Variants in ZNF362 observed in about 807,000 individuals in gnomAD.
ZNF362 encodes zinc finger protein 362.
A neutral mutation model predicts 42.9 loss-of-function variants in ZNF362; 11 were observed. That is an observed-to-expected ratio of 0.26 (90% CI 0.16 to 0.42). The LOEUF (loss-of-function observed/expected upper bound fraction) is 0.42. Ranked by LOEUF, ZNF362 falls within the 20% of genes least tolerant of loss-of-function variation. The pLI is 1.00. For synonymous variants in ZNF362, 255 were observed against 257.3 expected (o/e 0.99, Z 0.09); for missense variants, 362 against 576.2 (o/e 0.63, Z 3.81).
chr1:33,159,926 G>T, the ZNF362 span: 748 of 1,605,212 alleles, frequency 4.7e-4, 1 homozygote, highest in Non-Finnish European at 6.1e-4. The surrounding 1 kb of genome is among the most constrained non-coding windows in gnomAD (Gnocchi z 4.2). Flanking sequence ...ATAGTGGTCC[G>T]CAGGCTCTTG....
chr1:33,291,132 T>C (rs574950662), intron 6 of ZNF362, among the ~76,000 whole-genome samples: 6 of 152,208 alleles, frequency 3.9e-5, no homozygotes, highest in East Asian at 3.9e-4. Context: ...GACATGAAGT[T>C]CTTGCCCATG....
chr1:33,291,336 T>G (rs1250933661), intron 6 of ZNF362, among the ~76,000 whole-genome samples: 1 of 152,230 alleles, frequency 6.6e-6, no homozygotes, highest in Non-Finnish European at 1.5e-5. Flanking sequence ...TTTCCCCATT[T>G]CTTGTTTTTG....
chr1:33,181,213 G>A, the ZNF362 span: 1 of 1,579,304 alleles, frequency 6.3e-7, no homozygotes, highest in African/African-American at 1.3e-5. The surrounding 1 kb of genome is among the most constrained non-coding windows in gnomAD (Gnocchi z 6.5). Context: ...GAGCTGTAGC[G>A]CTCCACGATG....
the ZNF362 span, among the ~76,000 whole-genome samples, chr1:33,189,676 T>TAC: frequency 9.4e-3 from 213 of 22,752 alleles, 8 homozygotes; most frequent in East Asian, 0.14. Flanking sequence ...TATATATGTA[T>TAC]ATATATACGT....
chr1:33,210,103 C>T, the ZNF362 span, among the ~76,000 whole-genome samples: 3 of 152,062 alleles, frequency 2.0e-5, no homozygotes, highest in African/African-American at 7.2e-5. Context: ...TTTAAATGTG[C>T]CCCAGAGATT....
chr1:33,295,915 C>T (rs558889279), intron 8 of ZNF362, among the ~76,000 whole-genome samples: 1 of 152,198 alleles, frequency 6.6e-6, no homozygotes, highest in Non-Finnish European at 1.5e-5. Context: ...CCTCATCTGT[C>T]AAATGGATGA....
chr1:33,156,835 T>A, the ZNF362 span, among the ~76,000 whole-genome samples: 1 of 152,018 alleles, frequency 6.6e-6, no homozygotes, highest in Non-Finnish European at 1.5e-5. Context: ...ATAATTACTA[T>A]CTCCCTCGTC....
intron 8 of ZNF362, among the ~76,000 whole-genome samples, chr1:33,298,555 G>A (rs1337064808): frequency 6.6e-6 from 1 of 152,138 alleles, no homozygotes; most frequent in Non-Finnish European, 1.5e-5. Flanking sequence ...GCTAGGCTCA[G>A]ACCCAGTCCT....
At chr1:33,221,066 GT>G in the ZNF362 span, among the ~76,000 whole-genome samples, 1 of 152,156 alleles carries the variant, frequency 6.6e-6, no homozygotes, top group African/African-American at 2.4e-5. Context: ...ACAGGGCCAT[GT>G]GTGTATGTGA....
At chr1:33,254,160 C>T (rs1645773442), upstream of ZNF362, among the ~76,000 whole-genome samples, 1 of 150,546 alleles carries the variant, frequency 6.6e-6, no homozygotes, top group Non-Finnish European at 1.5e-5. Flanking sequence ...GAGTTTCACT[C>T]TTGTTGCCCA....
the ZNF362 span, among the ~76,000 whole-genome samples, chr1:33,227,133 A>C: frequency 2.0e-5 from 3 of 152,204 alleles, no homozygotes; most frequent in African/African-American, 7.2e-5. Flanking sequence ...CAATTCTGTA[A>C]ATATACTAAA....
the ZNF362 span, among the ~76,000 whole-genome samples, chr1:33,173,225 G>A: frequency 6.6e-6 from 1 of 152,114 alleles, no homozygotes; most frequent in Non-Finnish European, 1.5e-5. Flanking sequence ...CACAATCTCT[G>A]GCAACATCTG....
At position 33,276,602 on chromosome 1, in the gene ZNF362, G is replaced by T; in HGVS notation, c.349+8G>T. 24 of 1,335,720 alleles carry T rather than the reference G, an allele frequency of 1.8e-5. No individual in the cohort carries two copies. The highest frequency in any genetic ancestry group is 3.2e-5 in the East Asian group (1 of 30,790). 82.7% of individuals were successfully genotyped at this position (1,335,720 alleles called of 1,614,324 possible). ...CCACCAGCACCGTCACAGGTAGGCC[G>T]AGCGGGCGGGGCCGGCGGGGCCGGT... On this transcript the variant is annotated splice_region_variant and intron_variant, in intron 4 of 8. Coordinates refer to ENST00000539719, the MANE Select transcript of ZNF362 (RefSeq NM_152493.3).
chr1:33,290,238 G>A (rs1252777450), intron 6 of ZNF362, among the ~76,000 whole-genome samples: 2 of 152,042 alleles, frequency 1.3e-5, no homozygotes, highest in African/African-American at 2.4e-5. Context: ...AACAAGCCCC[G>A]GTGTGTGATG....
At chr1:33,164,251 C>G in the ZNF362 span, 2 of 152,290 alleles carry the variant, frequency 1.3e-5, no homozygotes, top group Admixed American at 1.3e-4. Context: ...GGGTTGGTGG[C>G]CAAGCTGGGG....
chr1:33,213,356 C>T, the ZNF362 span, among the ~76,000 whole-genome samples: 1 of 152,096 alleles, frequency 6.6e-6, no homozygotes, highest in Non-Finnish European at 1.5e-5. Context: ...ACATAACAAC[C>T]TCTCAAAATT....
chr1:33,184,627 A>G, the ZNF362 span, among the ~76,000 whole-genome samples: 5 of 152,350 alleles, frequency 3.3e-5, no homozygotes, highest in East Asian at 1.9e-4. Context: ...GAGCAAAGAT[A>G]TGGGAGGATC....
intron 6 of ZNF362, among the ~76,000 whole-genome samples, chr1:33,287,344 G>A (rs1646040125): frequency 1.3e-5 from 2 of 152,206 alleles, no homozygotes; most frequent in Admixed American, 6.5e-5. Context: ...AAAGTTAGCC[G>A]AGTGTGGTAG....
the ZNF362 span, among the ~76,000 whole-genome samples, chr1:33,194,227 A>C: frequency 2.0e-5 from 3 of 152,170 alleles, no homozygotes; most frequent in Non-Finnish European, 2.9e-5. Flanking sequence ...AGATGAAATT[A>C]TAATAGTATG....
Sources: allele counts gnomAD v4.1 joint callset (sites outside exome capture counted in the v4.1 genomes callset), GRCh38; gene constraint gnomAD v4.1.1; non-coding constraint Gnocchi (gnomAD v3.1); transcripts MANE v1.5; gene names NCBI Gene and HGNC (gene_info 2026-07-23, HGNC 2026-07-21).